Variants in SBF1 observed in about 807,000 individuals in gnomAD.
SBF1 encodes myotubularin-related protein 5.
In SBF1, 65 loss-of-function variants were observed where a neutral mutation model predicts 215.8. The ratio of observed to expected loss-of-function variants is 0.30; its 90% confidence interval spans 0.25 to 0.37. The LOEUF is 0.37. Among genes scored for constraint, SBF1 ranks in the 10% least tolerant of loss-of-function variants. SBF1 has a pLI of 1.00. For synonymous variants in SBF1, 1,410 were observed against 1,122.8 expected, an observed-to-expected ratio of 1.26 and a Z score of -5.11; for missense variants, 2,634 against 2,667.8, an observed-to-expected ratio of 0.99 and a Z score of 0.28.
In SBF1 at chr22:50,464,397, G is replaced by A. The variant is rs1203430379; in HGVS notation, c.1681C>T (p.Arg561Trp). 5 of 1,614,076 alleles carry A rather than the reference G, an allele frequency of 3.1e-6. No homozygotes were observed. The highest frequency in any genetic ancestry group is 4.2e-6 in the Non-Finnish European group (5 of 1,180,024). The change falls in exon 15 of 41, where the codon CGG becomes TGG. Residue 561 changes from arginine to tryptophan, a missense_variant. Arg to Trp is a moderately radical substitution (Grantham distance 101). Coordinates refer to ENST00000380817, the MANE Select transcript of SBF1 (RefSeq NM_002972.4). ...CAGTTGCGCACAACCTCCAGCCGCC[G>A]GGCGCTGTTGACATGCAGCCCACTG... ...RCSGLHVNSA[R>W]RLEVVRNCIS... is the part of the protein sequence containing the mutation.
At position 50,465,161 on chromosome 22, in the gene SBF1, G is replaced by A. The variant is rs1173631715; in HGVS notation, c.1204-32C>T. 3.1e-6 allele frequency: 5 copies of A among 1,613,736 alleles called. No individual in the cohort carries two copies. The African/African-American group carries it at 4.0e-5, about 13-fold the overall frequency. ...GACAGAAGGAGGTCGGTCCCTCAGGGGTCTCCACCATGCGCTTATCTCCTA... is the reference window on the plus strand; with the variant it reads ...GACAGAAGGAGGTCGGTCCCTCAGGAGTCTCCACCATGCGCTTATCTCCTA... On this transcript the variant is annotated intron_variant, in intron 11 of 40. Transcript: ENST00000380817.
chr22:50,451,253 G>A (rs2067036234), intron 36 of SBF1, among the ~76,000 whole-genome samples: 1 of 151,826 alleles, frequency 6.6e-6, no homozygotes, highest in South Asian at 2.1e-4. Context: ...AATGAAGCAG[G>A]ATGATTGTTT....
At chr22:50,451,605 G>A (rs978748730) in intron 36 of SBF1, among the ~76,000 whole-genome samples, 3 of 152,090 alleles carry the variant, frequency 2.0e-5, no homozygotes, top group African/African-American at 7.2e-5. Flanking sequence ...TCATCCCACA[G>A]ACCCAGAAGT....
intron 36 of SBF1, among the ~76,000 whole-genome samples, chr22:50,452,299 C>T (rs9617011): frequency 6.6e-6 from 1 of 152,148 alleles, no homozygotes; most frequent in Non-Finnish European, 1.5e-5. Context: ...ATTAAAAATT[C>T]TTCAGGCTGA....
chr22:50,446,823 T>TTATA lies in SBF1; in HGVS notation c.*315_*318dup, dbSNP rs757983848. The TTATA allele has an allele frequency of 3.0e-6, 2 of 675,650 alleles. No individual in the cohort carries two copies. Among genetic ancestry groups the TTATA allele is most frequent in the Admixed American group, 3.6e-5 (2 of 55,146 alleles). The allele number at this position is 675,650 out of a possible 1,614,324, so 41.9% of individuals were successfully genotyped here. A position where few individuals can be genotyped will look rare whatever the true frequency, so the allele number is the denominator to read the frequency against. ...CAGGAGCGTGGCGTTAGTTCTCTCTTTATATAGACTCTGGTTCTAGAAACT... is the reference window on the plus strand; with the variant it reads ...CAGGAGCGTGGCGTTAGTTCTCTCTTTATATATATAGACTCTGGTTCTAGAAACT... On this transcript the variant is annotated 3_prime_UTR_variant, in exon 41 of 41. Coordinates refer to ENST00000380817, the MANE Select transcript of SBF1 (RefSeq NM_002972.4).
chr22:50,447,081 C>T lies in SBF1; in HGVS notation c.*61G>A. 1 of 1,470,806 alleles carries T rather than the reference C, an allele frequency of 6.8e-7. No homozygotes were observed. Among genetic ancestry groups the T allele is most frequent in the Non-Finnish European group, 9.3e-7 (1 of 1,072,350 alleles). The allele number at this position is 1,470,806 out of a possible 1,614,324, so 91.1% of individuals were successfully genotyped here. On this transcript the variant is annotated 3_prime_UTR_variant, in exon 41 of 41. Coordinates refer to ENST00000380817, the MANE Select transcript of SBF1 (RefSeq NM_002972.4). ...GGCTGTAAACATGGCCGGGGCGGCC[C>T]TGCCCACCCCTAGTGGTCGGTAACG...
At chr22:50,458,320 A>AAAC (rs1556422199) in intron 28 of SBF1, among the ~76,000 whole-genome samples, 6 of 147,394 alleles carry the variant, frequency 4.1e-5, no homozygotes, top group Admixed American at 6.8e-5. Context: ...AAAAAAAAAA[A>AAAC]AAAGGTCAGG....
intron 23 of SBF1, 144 bp downstream of exon 23, chr22:50,461,015 C>T: frequency 8.8e-7 from 1 of 1,139,210 alleles, no homozygotes. Flanking sequence ...ACTCAAGAGC[C>T]ACAGTGAGGG....
chr22:50,454,942 G>A lies in SBF1; in HGVS notation c.4684C>T (p.Leu1562=). ...DSDYERIELG[L]LYEEKGERRG... ...CGTTCCCCCTTCTCCTCATACAGCA[G>A]CCCTGCACAGAAGCAGCACTGAGCC... The change falls in exon 35 of 41, where the codon CTG becomes TTG. Residue 1562 remains leucine, a splice_region_variant and synonymous_variant. Transcript: ENST00000380817. 1 of 1,613,964 alleles carries A rather than the reference G, an allele frequency of 6.2e-7. No individual in the cohort carries two copies.
In SBF1 at chr22:50,466,626, C is replaced by A; in HGVS notation, c.634G>T (p.Ala212Ser). The change falls in exon 6 of 41, where the codon GCC (alanine) becomes TCC (serine). Residue 212 changes from alanine (A) to serine (S), a missense_variant. Transcript: ENST00000380817. Reference sequence around the variant, plus strand: ...TCACCTAGCTGGCGGAAGAGCAGGGCCACGCTGCAGCGGCTGACGGGCAGC... The same window carrying A: ...TCACCTAGCTGGCGGAAGAGCAGGGACACGCTGCAGCGGCTGACGGGCAGC... ...DSLPVSRCSV[A>S]LLFRQLGITN... 1 of 1,552,732 alleles carries A rather than the reference C, an allele frequency of 6.4e-7. No individual in the cohort carries two copies. The highest frequency in any genetic ancestry group is 8.7e-7 in the Non-Finnish European group (1 of 1,147,774).
chr22:50,473,428 C>A (rs554255618), intron 1 of SBF1, among the ~76,000 whole-genome samples: 1 of 152,296 alleles, frequency 6.6e-6, no homozygotes, highest in South Asian at 2.1e-4. Flanking sequence ...AGCCAACCTG[C>A]ACAGTGGGGA....
intron 1 of SBF1, among the ~76,000 whole-genome samples, chr22:50,471,694 C>T (rs1199173677): frequency 1.3e-5 from 2 of 152,172 alleles, no homozygotes; most frequent in Non-Finnish European, 2.9e-5. Context: ...CCCAACCTCC[C>T]CTGCCCATCA....
At chr22:50,457,753 G>T (rs2067312466) in intron 28 of SBF1, among the ~76,000 whole-genome samples, 1 of 152,236 alleles carries the variant, frequency 6.6e-6, no homozygotes, top group South Asian at 2.1e-4. Flanking sequence ...GCTGGGAGAT[G>T]CCTGGGGTCC....
At chr22:50,455,173 T>C in intron 33 of SBF1, 31 bp from the exon 34 acceptor site, 1 of 1,613,834 alleles carries the variant, frequency 6.2e-7, no homozygotes, top group Admixed American at 1.7e-5. Flanking sequence ...GGGCCAGGGC[T>C]CAGCGGTCAG....
chr22:50,460,800 G>C (rs566117069), intron 23 of SBF1, 88 bp from the exon 24 acceptor site: 1 of 1,400,914 alleles, frequency 7.1e-7, no homozygotes, highest in South Asian at 1.3e-5. Flanking sequence ...CCTTCCCCTC[G>C]CAGCCATGAC....
chr22:50,460,827 C>T, intron 23 of SBF1, 115 bp from the exon 24 acceptor site: 3 of 1,201,764 alleles, frequency 2.5e-6, no homozygotes, highest in Non-Finnish European at 3.5e-6. Flanking sequence ...AGAAGCAGGC[C>T]CCAGGCAAAG....
At chr22:50,470,083 C>G (rs1421432573) in intron 1 of SBF1, among the ~76,000 whole-genome samples, 5 of 151,854 alleles carry the variant, frequency 3.3e-5, no homozygotes, top group African/African-American at 1.2e-4. Flanking sequence ...CTCCACACCC[C>G]CAAGGACAGC....
At chr22:50,463,564 G>T in intron 15 of SBF1, 132 bp from the exon 16 acceptor site, 1 of 1,025,432 alleles carries the variant, frequency 9.8e-7, no homozygotes, top group African/African-American at 1.6e-5. Context: ...CTGGGGCTTT[G>T]CCGACCAATA....
chr22:50,473,059 G>A (rs1305711399), intron 1 of SBF1, among the ~76,000 whole-genome samples: 1 of 152,194 alleles, frequency 6.6e-6, no homozygotes, highest in Admixed American at 6.5e-5. Context: ...TGTGGCTCCA[G>A]CAGTGAGCAC....
Sources: gnomAD v4.1 joint callset for allele counts (sites outside exome capture counted in the v4.1 genomes callset) on GRCh38, gnomAD v4.1.1 for gene constraint, MANE v1.5 for transcripts, NCBI Gene and HGNC (gene_info 2026-07-23, HGNC 2026-07-21) for gene names.